XKR6: variants seen among roughly 807,000 people sequenced by gnomAD.
XKR6 encodes the protein XK-related protein 6.
XKR6 carries 22 observed loss-of-function variants against 56.7 expected under a neutral mutation model. The observed-to-expected ratio is 0.39, with a 90% CI of 0.28 to 0.55. The LOEUF (loss-of-function observed/expected upper bound fraction) is 0.55, where lower values mean the gene tolerates loss of function less well. Ranked by LOEUF, XKR6 falls within the 20% of genes least tolerant of loss-of-function variation. The pLI is 0.66. For missense variants in XKR6, 852 were observed against 889.0 expected (o/e 0.96, Z 0.53); for synonymous variants, 524 against 387.8 (o/e 1.35, Z -4.13).
rs1450990920 is a variant in XKR6 at position 11,076,367 on chromosome 8, G to A, written c.764+124209C>T. 2.6e-5 allele frequency among the ~76,000 whole-genome samples: 4 copies of A among 152,140 alleles called. No individual in the cohort carries two copies. The East Asian group carries it at 7.7e-4, about 29-fold the overall frequency. Reference sequence around the variant, plus strand: ...CATACACTTAAAATTGGTTAGGATTGTAGATTTTATATTATGCATATTTTA... The same window carrying A: ...CATACACTTAAAATTGGTTAGGATTATAGATTTTATATTATGCATATTTTA... On this transcript the variant is annotated intron_variant, in intron 1 of 2. Transcript: ENST00000416569.
intron 1 of XKR6, among the ~76,000 whole-genome samples, chr8:11,197,019 AAAC>A (rs1195651981): frequency 6.6e-6 from 1 of 152,206 alleles, no homozygotes; most frequent in Non-Finnish European, 1.5e-5. Context: ...TCAAATCAGA[AAAC>A]AACGCTAAAA....
At chr8:11,136,096 T>C (rs958557559) in intron 1 of XKR6, among the ~76,000 whole-genome samples, 15 of 152,176 alleles carry the variant, frequency 9.9e-5, no homozygotes, top group Non-Finnish European at 1.5e-4. Context: ...ACATAAAAAC[T>C]AGTGCATCCC....
intron 1 of XKR6, among the ~76,000 whole-genome samples, chr8:11,193,204 A>C (rs1383446601): frequency 6.6e-6 from 1 of 152,252 alleles, no homozygotes; most frequent in East Asian, 1.9e-4. Flanking sequence ...CCATGCTCTA[A>C]ATCAGTGACC....
intron 1 of XKR6, among the ~76,000 whole-genome samples, chr8:10,946,890 G>C (rs113152263): frequency 2.0e-5 from 3 of 152,144 alleles, no homozygotes; most frequent in African/African-American, 2.4e-5. Flanking sequence ...GGATGGGGGA[G>C]AGTTCACCAA....
At chr8:11,033,680 C>T (rs1172991579) in intron 1 of XKR6, among the ~76,000 whole-genome samples, 2 of 152,104 alleles carry the variant, frequency 1.3e-5, no homozygotes, top group Non-Finnish European at 2.9e-5. Flanking sequence ...AAAGGCCTTT[C>T]CCCAAAGTCG....
At chr8:10,997,234 C>G (rs1390091787) in intron 1 of XKR6, among the ~76,000 whole-genome samples, 1 of 152,220 alleles carries the variant, frequency 6.6e-6, no homozygotes, top group African/African-American at 2.4e-5. Context: ...CCACCATGCT[C>G]AGCCCAACAA....
chr8:10,995,329 G>A (rs75641319), intron 1 of XKR6, among the ~76,000 whole-genome samples: 19,089 of 150,512 alleles, frequency 0.13, 1,341 homozygotes, highest in Middle Eastern at 0.2. Flanking sequence ...AGCCTGGACT[G>A]CATGATGAAA....
At chr8:10,950,595 C>T (rs1272255536) in intron 1 of XKR6, among the ~76,000 whole-genome samples, 2 of 152,230 alleles carry the variant, frequency 1.3e-5, no homozygotes, top group Non-Finnish European at 2.9e-5. Flanking sequence ...GATGTGTCCC[C>T]ACAACAGTTT....
At chr8:10,937,635 T>TGC (rs1272404732) in intron 1 of XKR6, among the ~76,000 whole-genome samples, 4 of 150,258 alleles carry the variant, frequency 2.7e-5, no homozygotes, top group Non-Finnish European at 5.9e-5. Flanking sequence ...CACCCTCAGC[T>TGC]GCAGGTCTGT....
At chr8:11,022,580 C>T (rs928388476) in intron 1 of XKR6, among the ~76,000 whole-genome samples, 12 of 152,174 alleles carry the variant, frequency 7.9e-5, no homozygotes, top group South Asian at 6.2e-4. Context: ...GTGAAGCGGG[C>T]GGCAGGAGCA....
intron 1 of XKR6, among the ~76,000 whole-genome samples, chr8:10,998,284 TACAC>T (rs145026689): frequency 1.4e-5 from 2 of 147,606 alleles, no homozygotes; most frequent in Non-Finnish European, 3.0e-5. Flanking sequence ...CACACACACA[TACAC>T]ACACACACAC....
chr8:11,083,131 G>A (rs1323739309), intron 1 of XKR6, among the ~76,000 whole-genome samples: 4 of 152,156 alleles, frequency 2.6e-5, no homozygotes, highest in Admixed American at 6.5e-5. Context: ...CTCCCTCTCC[G>A]AGTCTCGGCA....
Position 10,980,844 on chromosome 8 carries a change from T to C in XKR6, c.765-56014A>G, listed in dbSNP as rs144173572. Among the ~76,000 whole-genome samples, 786 of 152,310 alleles carry C rather than the reference T, an allele frequency of 5.2e-3. 8 individuals carry two copies. Among genetic ancestry groups the C allele is most frequent in the African/African-American group, 0.018 (754 of 41,570 alleles). On this transcript the variant is annotated intron_variant, in intron 1 of 2. Transcript: ENST00000416569. ...ATGGATCATGAATAATGGATTATGA[T>C]CTCTGTCTGTCTGTCTATTTCTGTA...
At chr8:11,049,496 T>C (rs1017934146) in intron 1 of XKR6, among the ~76,000 whole-genome samples, 6 of 152,172 alleles carry the variant, frequency 3.9e-5, no homozygotes, top group African/African-American at 1.4e-4. Context: ...GGGGTGGCTG[T>C]ACGTGAAGAC....
At chr8:11,128,981 T>C (rs764635042) in intron 1 of XKR6, 7 of 456,698 alleles carry the variant, frequency 1.5e-5, no homozygotes, top group Middle Eastern at 3.3e-4. Flanking sequence ...TTAAGATTTT[T>C]GGTTTGTTCT....
intron 1 of XKR6, among the ~76,000 whole-genome samples, chr8:11,130,358 T>C (rs1228005036): frequency 2.6e-5 from 4 of 151,926 alleles, no homozygotes; most frequent in African/African-American, 9.7e-5. Context: ...AAGTGTTTTA[T>C]CGCCATATCT....
At position 11,190,131 on chromosome 8, in the gene XKR6, T is replaced by C. The variant is rs554680976; in HGVS notation, c.764+10445A>G. Among the ~76,000 whole-genome samples the C allele has an allele frequency of 1.4e-4, 19 of 138,998 alleles. No individual in the cohort carries two copies. In the East Asian group the frequency reaches 4.0e-3, roughly 29 times the overall value. 91.2% of individuals were successfully genotyped at this position (138,998 alleles called of 152,430 possible). A position where few individuals can be genotyped will look rare whatever the true frequency, so the allele number is the denominator to read the frequency against. On this transcript the variant is annotated intron_variant, in intron 1 of 2. Transcript: ENST00000416569. Reference sequence around the variant, plus strand: ...GAGATCGCGCCACCGCACTCCAGCCTGGGCAACAAGAGTGAAACTGTCCCA... The same window carrying C: ...GAGATCGCGCCACCGCACTCCAGCCCGGGCAACAAGAGTGAAACTGTCCCA...
chr8:10,905,930 A>G (rs1406050945), intron 2 of XKR6, among the ~76,000 whole-genome samples: 1 of 152,160 alleles, frequency 6.6e-6, no homozygotes, highest in African/African-American at 2.4e-5. Context: ...CCCACAGGAG[A>G]CATGGCAAGG....
chr8:11,162,621 C>A (rs758374120), intron 1 of XKR6, among the ~76,000 whole-genome samples: 1 of 152,130 alleles, frequency 6.6e-6, no homozygotes, highest in Non-Finnish European at 1.5e-5. Context: ...CCATAAATTA[C>A]AAAGGAGAAA....
Sources: allele counts gnomAD v4.1 joint callset (sites outside exome capture counted in the v4.1 genomes callset), GRCh38; gene constraint gnomAD v4.1.1; transcripts MANE v1.5; gene names NCBI Gene and HGNC (gene_info 2026-07-23, HGNC 2026-07-21).